Variants in DENND5B observed in about 807,000 individuals in gnomAD.
DENND5B encodes DENN domain-containing protein 5B.
In DENND5B, 34 loss-of-function variants were observed where a neutral mutation model predicts 140.6. The observed-to-expected ratio is 0.24, with a 90% CI of 0.18 to 0.32. The LOEUF is 0.32. Among genes scored for constraint, DENND5B ranks in the 10% least tolerant of loss-of-function variants. The pLI is 1.00. For missense variants in DENND5B, 1,142 were observed against 1,560.2 expected (o/e 0.73, Z 4.52); for synonymous variants, 551 against 562.1 (o/e 0.98, Z 0.28).
chr12:31,399,623 G>C (rs1252178209), intron 16 of DENND5B, 31 bp downstream of exon 16: 2 of 1,565,016 alleles, frequency 1.3e-6, no homozygotes, highest in Non-Finnish European at 1.8e-6. Flanking sequence ...TTAAAACAAA[G>C]AATTCTGAGT....
intron 1 of DENND5B, among the ~76,000 whole-genome samples, chr12:31,507,952 ATGG>A (rs1294189047): frequency 2.6e-5 from 4 of 152,170 alleles, no homozygotes; most frequent in Non-Finnish European, 5.9e-5. Flanking sequence ...TTTACCTTCT[ATGG>A]AAATTATTTA....
chr12:31,587,305 T>C (rs1279211487), intron 1 of DENND5B, among the ~76,000 whole-genome samples: 1 of 152,202 alleles, frequency 6.6e-6, no homozygotes, highest in Non-Finnish European at 1.5e-5. Flanking sequence ...TGATTCTCCA[T>C]CAGTCTTCCT....
intron 1 of DENND5B, among the ~76,000 whole-genome samples, chr12:31,504,128 T>C (rs1947107591): frequency 6.6e-6 from 1 of 152,180 alleles, no homozygotes; most frequent in Non-Finnish European, 1.5e-5. Context: ...AAGTGCGCTA[T>C]AACGTAAATC....
At chr12:31,527,477 C>T (rs1455902075) in intron 1 of DENND5B, among the ~76,000 whole-genome samples, 3 of 152,134 alleles carry the variant, frequency 2.0e-5, no homozygotes, top group African/African-American at 4.8e-5. Flanking sequence ...AGGAATGCTG[C>T]GCTTTGAAAG....
At chr12:31,581,900 A>G (rs186536526) in intron 1 of DENND5B, among the ~76,000 whole-genome samples, 6 of 152,328 alleles carry the variant, frequency 3.9e-5, no homozygotes, top group Admixed American at 3.9e-4. Context: ...TACAGATAAC[A>G]TACGCACATT....
chr12:31,584,973 G>C (rs778502016), intron 1 of DENND5B, among the ~76,000 whole-genome samples: 1 of 152,152 alleles, frequency 6.6e-6, no homozygotes, highest in Non-Finnish European at 1.5e-5. Context: ...GCCAATTAGA[G>C]ATCACATAGC....
intron 3 of DENND5B, among the ~76,000 whole-genome samples, chr12:31,468,728 C>T (rs904634171): frequency 1.3e-5 from 2 of 152,040 alleles, no homozygotes; most frequent in Non-Finnish European, 2.9e-5. Context: ...GGAGGATTGC[C>T]TGAGCCCAGG....
At chr12:31,589,611 G>C (rs1218633411) in intron 1 of DENND5B, among the ~76,000 whole-genome samples, 4 of 149,224 alleles carry the variant, frequency 2.7e-5, no homozygotes, top group Non-Finnish European at 5.9e-5. Context: ...CCCCACCAAA[G>C]GAAAAGCGAA....
chr12:31,456,758 T>C (rs999667809), intron 4 of DENND5B, among the ~76,000 whole-genome samples: 3 of 152,174 alleles, frequency 2.0e-5, no homozygotes, highest in African/African-American at 7.2e-5. Flanking sequence ...TTAAGCCAGC[T>C]TGAGGGTAAG....
At chr12:31,584,990 G>A (rs538546795) in intron 1 of DENND5B, among the ~76,000 whole-genome samples, 1 of 152,300 alleles carries the variant, frequency 6.6e-6, no homozygotes, top group Admixed American at 6.5e-5. Flanking sequence ...TAGCAAGAGA[G>A]AGGAACGAAG....
At chr12:31,473,918 C>A (rs1945671541) in intron 3 of DENND5B, among the ~76,000 whole-genome samples, 1 of 152,150 alleles carries the variant, frequency 6.6e-6, no homozygotes, top group Non-Finnish European at 1.5e-5. Flanking sequence ...TGTAGGAGAA[C>A]CTTCTGCATT....
At chr12:31,573,863 G>C (rs1949907349) in intron 1 of DENND5B, among the ~76,000 whole-genome samples, 1 of 152,014 alleles carries the variant, frequency 6.6e-6, no homozygotes, top group Non-Finnish European at 1.5e-5. Context: ...GCTGAGGCAG[G>C]AAGATCCCTT....
intron 2 of DENND5B, among the ~76,000 whole-genome samples, chr12:31,483,519 C>CA (rs1404052726): frequency 6.6e-6 from 1 of 151,950 alleles, no homozygotes; most frequent in African/African-American, 2.4e-5. Context: ...CGGCTCCCTG[C>CA]AACCTCTGCC....
chr12:31,590,595 G>A (rs921194286), intron 1 of DENND5B, 111 bp downstream of exon 1: 2 of 1,229,424 alleles, frequency 1.6e-6, no homozygotes, highest in African/African-American at 1.6e-5. Context: ...CGGCGGGAGG[G>A]CGCCACCGGG....
chr12:31,499,695 A>G, intron 1 of DENND5B: 1 of 1,432,786 alleles, frequency 7.0e-7, no homozygotes, highest in Non-Finnish European at 9.1e-7. Flanking sequence ...CAGAAACAAA[A>G]AAGCTTTATG....
At chr12:31,477,056 T>G (rs973145651) in intron 3 of DENND5B, among the ~76,000 whole-genome samples, 1 of 151,870 alleles carries the variant, frequency 6.6e-6, no homozygotes, top group African/African-American at 2.4e-5. Flanking sequence ...GTGAAAACCC[T>G]GTCTCTACTA....
At chr12:31,442,669 TAATC>T in intron 7 of DENND5B, 102 bp downstream of exon 7, 1 of 1,210,064 alleles carries the variant, frequency 8.3e-7, no homozygotes, top group African/African-American at 1.5e-5. Context: ...ATGAAAAAAG[TAATC>T]AGATAGATGT....
chr12:31,399,604 T>C, intron 16 of DENND5B, 50 bp downstream of exon 16: 1 of 1,457,170 alleles, frequency 6.9e-7, no homozygotes, highest in Non-Finnish European at 9.5e-7. Flanking sequence ...TTTTCTTACC[T>C]GAAGAGTCTT....
Position 31,590,925 on chromosome 12 carries a change from C to T in DENND5B, c.-93G>A, listed in dbSNP as rs1216974137. ...CACCGCTCCGGCTGTGGTCTGTGCG[C>T]CCGCCCTAGGGCGACACTGGCGCGC... On this transcript the variant is annotated 5_prime_UTR_variant, in exon 1 of 21. Coordinates refer to ENST00000389082, the MANE Select transcript of DENND5B (RefSeq NM_144973.4). The T allele has an allele frequency of 8.8e-6, 10 of 1,137,598 alleles. No individual in the cohort carries two copies. Among genetic ancestry groups the T allele is most frequent in the Non-Finnish European group, 1.1e-5 (10 of 927,914 alleles). The allele number at this position is 1,137,598 out of a possible 1,614,324, so 70.5% of individuals were successfully genotyped here. A position where few individuals can be genotyped will look rare whatever the true frequency, so the allele number is the denominator to read the frequency against.
Sources: allele counts gnomAD v4.1 joint callset (sites outside exome capture counted in the v4.1 genomes callset), GRCh38; gene constraint gnomAD v4.1.1; transcripts MANE v1.5; gene names NCBI Gene and HGNC (gene_info 2026-07-23, HGNC 2026-07-21).